Variants in HPSE2 observed in about 807,000 individuals in gnomAD.
The protein encoded by HPSE2 is heparanase 2 (inactive).
A neutral mutation model predicts 60.5 loss-of-function variants in HPSE2; 38 were observed. The ratio of observed to expected loss-of-function variants is 0.63; its 90% confidence interval spans 0.48 to 0.82. The LOEUF is 0.82. HPSE2 is among the 40% of genes least tolerant of loss of function. The pLI is 0.00. For synonymous variants in HPSE2, 295 were observed against 293.2 expected, an observed-to-expected ratio of 1.01 and a Z score of -0.06; for missense variants, 713 against 740.4, an observed-to-expected ratio of 0.96 and a Z score of 0.43.
At chr10:98,783,107 C>G (rs1293467743) in intron 3 of HPSE2, among the ~76,000 whole-genome samples, 1 of 55,482 alleles carries the variant, frequency 1.8e-5, no homozygotes. Flanking sequence ...GACCCCACCA[C>G]AGTCCCCAGA....
rs1187311146 is a variant in HPSE2, at chr10:98,890,042, T to C, written c.611-145986A>G. On this transcript the variant is annotated intron_variant, in intron 3 of 11. Transcript: ENST00000370552. ...AATTTTCAGAATGGCAAAGTTCCAA[T>C]GCCCATTTAGTTAAGTTGTTTAACA... Among the ~76,000 whole-genome samples, 4 of 152,336 alleles carry C rather than the reference T, an allele frequency of 2.6e-5. No homozygotes were observed. The East Asian group carries it at 7.7e-4, about 29-fold the overall frequency.
At chr10:98,776,932 T>C (rs1439369735) in intron 3 of HPSE2, among the ~76,000 whole-genome samples, 2 of 152,128 alleles carry the variant, frequency 1.3e-5, no homozygotes, top group Non-Finnish European at 2.9e-5. Flanking sequence ...TGCAACTTAC[T>C]CTCAAACAAT....
chr10:98,905,109 T>C (rs1278704064), intron 3 of HPSE2, among the ~76,000 whole-genome samples: 1 of 152,042 alleles, frequency 6.6e-6, no homozygotes, highest in Non-Finnish European at 1.5e-5. Flanking sequence ...ATGGGCTAAA[T>C]GCTTGTATTT....
chr10:98,656,024 G>A (rs534873612), intron 6 of HPSE2, among the ~76,000 whole-genome samples: 1 of 151,960 alleles, frequency 6.6e-6, no homozygotes, highest in African/African-American at 2.4e-5. Flanking sequence ...AATCCAACAT[G>A]TGAGAAAAGC....
intron 9 of HPSE2, among the ~76,000 whole-genome samples, chr10:98,560,132 C>G (rs56179047): frequency 0.027 from 4,132 of 152,162 alleles, 201 homozygotes; most frequent in African/African-American, 0.093. Context: ...AATCTTTCAT[C>G]CATGTTCATC....
chr10:98,536,765 G>A (rs1446851161), intron 9 of HPSE2, among the ~76,000 whole-genome samples: 1 of 152,130 alleles, frequency 6.6e-6, no homozygotes, highest in Non-Finnish European at 1.5e-5. Flanking sequence ...CTGTACCAGG[G>A]ACTGTGGTAG....
intron 11 of HPSE2, among the ~76,000 whole-genome samples, chr10:98,480,196 C>T (rs1160245153): frequency 6.6e-6 from 1 of 151,832 alleles, no homozygotes; most frequent in African/African-American, 2.4e-5. Context: ...ATTCTCCTGC[C>T]TCGGGCTCCC....
chr10:98,855,404 G>T (rs1486569583), intron 3 of HPSE2, among the ~76,000 whole-genome samples: 2 of 152,084 alleles, frequency 1.3e-5, no homozygotes, highest in Non-Finnish European at 2.9e-5. Flanking sequence ...GCCTGGAAAT[G>T]GGGGTGGGAA....
At chr10:98,506,796 T>C (rs1166307239) in intron 9 of HPSE2, among the ~76,000 whole-genome samples, 1 of 152,166 alleles carries the variant, frequency 6.6e-6, no homozygotes, top group Non-Finnish European at 1.5e-5. Context: ...GCTTTCAAAG[T>C]GCTTCTACGT....
At chr10:99,275,842 T>C in the HPSE2 span, among the ~76,000 whole-genome samples, 1 of 152,196 alleles carries the variant, frequency 6.6e-6, no homozygotes, top group South Asian at 2.1e-4. Flanking sequence ...ATCTAGGGCA[T>C]GGGACTGTAA....
At chr10:99,033,522 C>T (rs1254340375) in intron 3 of HPSE2, among the ~76,000 whole-genome samples, 1 of 152,080 alleles carries the variant, frequency 6.6e-6, no homozygotes, top group Non-Finnish European at 1.5e-5. Context: ...GTGGCTTACA[C>T]CTGTAATCCC....
intron 5 of HPSE2, among the ~76,000 whole-genome samples, chr10:98,695,485 C>T (rs960374952): frequency 6.6e-6 from 1 of 152,160 alleles, no homozygotes; most frequent in African/African-American, 2.4e-5. Context: ...ACATTTACTA[C>T]GTACCTACTG....
intron 3 of HPSE2, among the ~76,000 whole-genome samples, chr10:98,766,299 A>C (rs1272089119): frequency 1.3e-5 from 2 of 152,152 alleles, no homozygotes; most frequent in Non-Finnish European, 2.9e-5. Flanking sequence ...ACCTTCAACA[A>C]AGAAAACCAC....
chr10:99,007,309 G>A (rs1956917159), intron 3 of HPSE2, among the ~76,000 whole-genome samples: 1 of 152,222 alleles, frequency 6.6e-6, no homozygotes, highest in African/African-American at 2.4e-5. Flanking sequence ...GGCTAGTGTT[G>A]GGGTCCCAGG....
At chr10:99,184,801 TATATATATATATATATATAGAG>T (rs1847917588) in intron 2 of HPSE2, among the ~76,000 whole-genome samples, 1 of 32,658 alleles carries the variant, frequency 3.1e-5, no homozygotes, top group Non-Finnish European at 9.1e-5. Context: ...TATATATATA[TATATATATATATATATATAGAG>T]AGAGAGAGAG....
Position 98,591,480 on chromosome 10 carries a change from T to G in HPSE2, c.1320+23424A>C, listed in dbSNP as rs187092982. ...GAGTTCGAGACCAGCCTGGGCAACA[T>G]GGCAAAGCCCTGTCTCTATTAAAAA... On this transcript the variant is annotated intron_variant, in intron 9 of 11. Transcript: ENST00000370552. Among the ~76,000 whole-genome samples the G allele has an allele frequency of 1.9e-3, 288 of 152,088 alleles. 1 individual carries two copies. The highest frequency in any genetic ancestry group is 3.6e-3 in the Admixed American group (55 of 15,264).
At chr10:99,217,880 C>T (rs1399653924) in intron 2 of HPSE2, among the ~76,000 whole-genome samples, 1 of 152,080 alleles carries the variant, frequency 6.6e-6, no homozygotes, top group African/African-American at 2.4e-5. Context: ...GCCACTGTGC[C>T]TGCCCCCAAT....
intron 3 of HPSE2, among the ~76,000 whole-genome samples, chr10:98,969,052 T>C (rs781536287): frequency 2.4e-4 from 36 of 152,308 alleles, no homozygotes; most frequent in Non-Finnish European, 4.1e-4. Context: ...AAATTAATTA[T>C]GGAAATTCTT....
intron 3 of HPSE2, among the ~76,000 whole-genome samples, chr10:98,886,922 C>A (rs188184847): frequency 6.6e-6 from 1 of 152,060 alleles, no homozygotes; most frequent in African/African-American, 2.4e-5. Flanking sequence ...GAGTTATATG[C>A]ATATGAAGAT....
Sources: allele counts gnomAD v4.1 joint callset (sites outside exome capture counted in the v4.1 genomes callset), GRCh38; gene constraint gnomAD v4.1.1; transcripts MANE v1.5; gene names NCBI Gene and HGNC (gene_info 2026-07-23, HGNC 2026-07-21).